Variants in MAP7 observed in about 807,000 individuals in gnomAD.
The protein encoded by MAP7 is ensconsin.
MAP7 carries 52 observed loss-of-function variants against 94.8 expected under a neutral mutation model. That is an observed-to-expected ratio of 0.55 (90% confidence interval 0.44 to 0.69). MAP7 has a LOEUF of 0.69. Ranked by LOEUF, MAP7 falls within the 30% of genes least tolerant of loss-of-function variation. The pLI is 0.00. For synonymous variants in MAP7, 350 were observed against 357.0 expected (o/e 0.98, Z 0.22); for missense variants, 940 against 964.6 (o/e 0.97, Z 0.34).
intron 1 of MAP7, among the ~76,000 whole-genome samples, chr6:136,480,877 A>G (rs1196153965): frequency 5.9e-5 from 9 of 152,150 alleles, no homozygotes; most frequent in Non-Finnish European, 1.0e-4. Flanking sequence ...TCTATTTGAC[A>G]AGGGAATAAT....
At chr6:136,493,791 C>T (rs2128995159) in intron 1 of MAP7, among the ~76,000 whole-genome samples, 1 of 152,238 alleles carries the variant, frequency 6.6e-6, no homozygotes, top group South Asian at 2.1e-4. Context: ...ATAAAGGCTT[C>T]CCATCTGCAG....
intron 1 of MAP7, among the ~76,000 whole-genome samples, chr6:136,500,747 T>A (rs1819605153): frequency 6.6e-6 from 1 of 152,248 alleles, no homozygotes; most frequent in African/African-American, 2.4e-5. Context: ...TTATGAGTAA[T>A]CCCATATTCC....
intron 1 of MAP7, among the ~76,000 whole-genome samples, chr6:136,452,393 T>A (rs1358963117): frequency 6.6e-6 from 1 of 152,128 alleles, no homozygotes; most frequent in African/African-American, 2.4e-5. Context: ...GACCCCAATT[T>A]TGAAAGTTGT....
At chr6:136,423,304 A>C (rs1791984020) in intron 1 of MAP7, among the ~76,000 whole-genome samples, 1 of 152,166 alleles carries the variant, frequency 6.6e-6, no homozygotes, top group African/African-American at 2.4e-5. Context: ...AATGGGGAAA[A>C]CATCTACTTT....
intron 15 of MAP7, among the ~76,000 whole-genome samples, chr6:136,359,564 A>C (rs1164069350): frequency 2.0e-5 from 3 of 152,174 alleles, no homozygotes; most frequent in Non-Finnish European, 2.9e-5. Context: ...TATATGCATA[A>C]ATACATATTA....
At chr6:136,533,735 G>T (rs538439451) in intron 1 of MAP7, among the ~76,000 whole-genome samples, 2 of 152,242 alleles carry the variant, frequency 1.3e-5, no homozygotes, top group Admixed American at 1.3e-4. Context: ...GAGAGATATC[G>T]GGCTCTTTTA....
At chr6:136,383,312 A>G (rs1198621152) in intron 6 of MAP7, among the ~76,000 whole-genome samples, 1 of 152,252 alleles carries the variant, frequency 6.6e-6, no homozygotes, top group African/African-American at 2.4e-5. Context: ...CAGATAGATG[A>G]AAAGCCAAAG....
intron 1 of MAP7, among the ~76,000 whole-genome samples, chr6:136,491,974 C>A (rs777418528): frequency 1.3e-5 from 2 of 152,040 alleles, no homozygotes; most frequent in Non-Finnish European, 1.5e-5. Context: ...CTGGGGAGAG[C>A]GGGGGGAAAT....
At chr6:136,478,570 GA>G (rs1282312606) in intron 1 of MAP7, among the ~76,000 whole-genome samples, 2 of 151,668 alleles carry the variant, frequency 1.3e-5, no homozygotes, top group South Asian at 4.2e-4. Flanking sequence ...GAACAACTAA[GA>G]AAAAAAGAGA....
At chr6:136,537,354 A>T (rs1476682638) in intron 1 of MAP7, among the ~76,000 whole-genome samples, 1 of 152,176 alleles carries the variant, frequency 6.6e-6, no homozygotes, top group Non-Finnish European at 1.5e-5. Flanking sequence ...GGGTTTTTCT[A>T]TCCAAAGTTG....
At chr6:136,358,075 A>T (rs1291546401) in intron 15 of MAP7, among the ~76,000 whole-genome samples, 1 of 152,220 alleles carries the variant, frequency 6.6e-6, no homozygotes, top group Non-Finnish European at 1.5e-5. Context: ...TGTTAGGCAC[A>T]GCTAATCCTC....
rs187120124 is a variant in MAP7, at chr6:136,459,364, T to G, written c.68-37565A>C. On this transcript the variant is annotated intron_variant, in intron 1 of 17. Transcript: ENST00000354570. ...AACAGTATAAAGGTTCCTCAAAAAA[T>G]TAAACACAGAAATACCATATGATTC... 3.6e-3 allele frequency among the ~76,000 whole-genome samples: 547 copies of G among 152,082 alleles called. 1 individual carries two copies. Among genetic ancestry groups the G allele is most frequent in the Middle Eastern group, 6.8e-3 (2 of 294 alleles).
chr6:136,347,202 T>C (rs1787954093), intron 16 of MAP7, among the ~76,000 whole-genome samples: 1 of 152,222 alleles, frequency 6.6e-6, no homozygotes, highest in African/African-American at 2.4e-5. Flanking sequence ...TTTTATTTCA[T>C]TGCAGCATAT....
chr6:136,375,164 CA>C (rs1234425977), intron 7 of MAP7, among the ~76,000 whole-genome samples: 9 of 152,048 alleles, frequency 5.9e-5, no homozygotes, highest in Non-Finnish European at 1.3e-4. Context: ...AGAAAAATGG[CA>C]TAATATGGTA....
Position 136,397,717 on chromosome 6 carries a change from G to T in MAP7, c.245-8200C>A, listed in dbSNP as rs1782916155. ...CAGAAGCTGAACTTGATCTTGGACT[G>T]CACGGCCTCCAGAGCTGTGAGAAAA... On this transcript the variant is annotated intron_variant, in intron 3 of 17. Transcript: ENST00000354570. Among the ~76,000 whole-genome samples the T allele has an allele frequency of 2.0e-5, 3 of 152,264 alleles. No individual in the cohort carries two copies. In the South Asian group the frequency reaches 6.2e-4, roughly 32 times the overall value.
intron 1 of MAP7, among the ~76,000 whole-genome samples, chr6:136,507,533 T>C (rs1205144197): frequency 6.6e-6 from 1 of 151,902 alleles, no homozygotes; most frequent in African/African-American, 2.4e-5. Flanking sequence ...CTTTTCTTTT[T>C]AAATTTAAGA....
At chr6:136,504,792 T>G (rs553814591) in intron 1 of MAP7, among the ~76,000 whole-genome samples, 1 of 152,206 alleles carries the variant, frequency 6.6e-6, no homozygotes, top group Non-Finnish European at 1.5e-5. Context: ...GCGATTCTTG[T>G]GCCCAGCCTC....
At chr6:136,354,123 T>TAA (rs1554228726) in intron 16 of MAP7, among the ~76,000 whole-genome samples, 19 of 142,178 alleles carry the variant, frequency 1.3e-4, no homozygotes, top group Non-Finnish European at 1.8e-4. Flanking sequence ...TATATATATA[T>TAA]TATATATATA....
At chr6:136,494,911 G>A (rs1817734847) in intron 1 of MAP7, among the ~76,000 whole-genome samples, 1 of 152,150 alleles carries the variant, frequency 6.6e-6, no homozygotes, top group Non-Finnish European at 1.5e-5. Context: ...TACCACAGAT[G>A]AAAGGTTATC....
Sources: allele counts gnomAD v4.1 joint callset (sites outside exome capture counted in the v4.1 genomes callset), GRCh38; gene constraint gnomAD v4.1.1; transcripts MANE v1.5; gene names NCBI Gene and HGNC (gene_info 2026-07-23, HGNC 2026-07-21).